JAK3: variants seen among roughly 807,000 people sequenced by gnomAD.
The protein encoded by JAK3 is Janus kinase 3.
JAK3 carries 88 observed loss-of-function variants against 120.8 expected under a neutral mutation model. The ratio of observed to expected loss-of-function variants is 0.73; its 90% confidence interval spans 0.61 to 0.87. JAK3 has a LOEUF of 0.87. Ranked by LOEUF, JAK3 falls within the 40% of genes least tolerant of loss-of-function variation. The pLI is 0.00. For missense variants in JAK3, 1,254 were observed against 1,501.4 expected, an observed-to-expected ratio of 0.84 and a Z score of 2.72; for synonymous variants, 592 against 628.6, an observed-to-expected ratio of 0.94 and a Z score of 0.87.
At chr19:17,836,917 T>G (rs1403566639) in intron 13 of JAK3, 3 of 676,748 alleles carry the variant, frequency 4.4e-6, no homozygotes, top group Non-Finnish European at 8.1e-6. Flanking sequence ...TGACTTCAGG[T>G]CATTCTGGGG....
chr19:17,839,709 C>A, intron 9 of JAK3, 46 bp from the exon 10 acceptor site: 5 of 1,362,980 alleles, frequency 3.7e-6, no homozygotes, highest in Non-Finnish European at 5.2e-6. Flanking sequence ...GACAGACACT[C>A]TCCTTCTCAG....
Position 17,844,235 on chromosome 19 carries a change from G to C in JAK3, c.183C>G (p.Ser61Arg), listed in dbSNP as rs200269517. Residue 61 changes from serine to arginine, a missense_variant and splice_region_variant, in exon 2 of 24, where the codon AGC becomes AGG. Ser to Arg is a moderately radical substitution (Grantham distance 110). Transcript: ENST00000458235. ...CCGATCCACTAGGGATGCACTCACC[G>C]CTGGCCTTGGCAGCCTGCACGCACA... The part of the protein sequence containing the change: ...EDLCVQAAKA[S>R]GILPVYHSLF... 6.3e-7 allele frequency: 1 copy of C among 1,589,780 alleles called. No individual in the cohort carries two copies. The highest frequency in any genetic ancestry group is 1.8e-5 in the Admixed American group (1 of 56,346).
rs755956210 is a variant in JAK3, at chr19:17,834,618, G to A, written c.2303C>T (p.Pro768Leu). Residue 768 changes from proline to leucine, a missense_variant, in exon 17 of 24, where the codon CCC becomes CTC. Around this residue, in one of 3 missense-constraint regions of JAK3, gnomAD observed 630 missense variants for 819.8 expected, o/e 0.77. Transcript: ENST00000458235. ...QCMAYEPVQRPSFRAVIRDLN... is the reference protein window; with the variant it reads ...QCMAYEPVQRLSFRAVIRDLN... The stretch of plus-strand genomic sequence containing the variant: ...GTCACGAATGACGGCTCGGAAGGAG[G>A]GCCTCTGGACCGGCTCATAGGCCAT... 3 of 1,614,102 alleles carry A rather than the reference G, an allele frequency of 1.9e-6. No individual in the cohort carries two copies. Among genetic ancestry groups the A allele is most frequent in the Non-Finnish European group, 2.5e-6 (3 of 1,180,010 alleles).
In JAK3 at chr19:17,839,865, C is replaced by T. The variant is rs3212743; in HGVS notation, c.1255-202G>A. Reference sequence around the variant, plus strand: ...AAGCGATTCTCCTGCCTCAGCCTCCCGAGTAGCTGGGACTACAGATGCCCA... The same window carrying T: ...AAGCGATTCTCCTGCCTCAGCCTCCTGAGTAGCTGGGACTACAGATGCCCA... On this transcript the variant is annotated intron_variant, in intron 9 of 23. Transcript: ENST00000458235. Among the ~76,000 whole-genome samples, 9,943 of 151,702 alleles carry T rather than the reference C, an allele frequency of 0.066. 735 individuals carry two copies. Among genetic ancestry groups the T allele is most frequent in the East Asian group, 0.23 (1,164 of 5,152 alleles).
chr19:17,835,582 A>G (rs1049737251), intron 14 of JAK3, among the ~76,000 whole-genome samples: 1 of 151,992 alleles, frequency 6.6e-6, no homozygotes, highest in Non-Finnish European at 1.5e-5. Context: ...GCAACACACT[A>G]TCTAGCCTGC....
At position 17,842,448 on chromosome 19, in the gene JAK3, CTCCAGG is replaced by C; in HGVS notation, c.723_728del (p.Asp241_Leu242del). Reference sequence around the variant, plus strand: ...CGGCGGCCCCGGCTGGATCCAGCCGCTCCAGGTCCATGATGTACTTGGCCATGAGCG... The same window carrying C: ...CGGCGGCCCCGGCTGGATCCAGCCGCTCCATGATGTACTTGGCCATGAGCG... On this transcript the variant is annotated inframe_deletion, in exon 6 of 24. Coordinates refer to ENST00000458235, the MANE Select transcript of JAK3 (RefSeq NM_000215.4). This position sits in a 1 kb window ranked among gnomAD's most constrained non-coding sequence, Gnocchi z 6.4. The C allele has an allele frequency of 6.3e-7, 1 of 1,595,108 alleles. No homozygotes were observed. The highest frequency in any genetic ancestry group is 8.5e-7 in the Non-Finnish European group (1 of 1,172,446).
At position 17,840,476 on chromosome 19, in the gene JAK3, G is replaced by T. The variant is rs1303988807; in HGVS notation, c.1143-135C>A. ...CACCCTCCCCCCATTTATAAAATCA[G>T]CCATGGGCCAGGCGCCGTGGCTCAC... On this transcript the variant is annotated intron_variant, in intron 8 of 23. Coordinates refer to ENST00000458235, the MANE Select transcript of JAK3 (RefSeq NM_000215.4). 12 of 684,160 alleles carry T rather than the reference G, an allele frequency of 1.8e-5. No individual in the cohort carries two copies. The Admixed American group carries it at 1.8e-4, about 10-fold the overall frequency. The allele number at this position is 684,160 out of a possible 1,614,324, so 42.4% of individuals were successfully genotyped here.
intron 23 of JAK3, 105 bp from the exon 24 acceptor site, chr19:17,827,015 T>C: frequency 1.5e-6 from 2 of 1,304,536 alleles, no homozygotes; most frequent in African/African-American, 1.4e-5. Context: ...AGTCTAGCTC[T>C]GTTGTCCAGG....
chr19:17,839,494 C>T lies in JAK3; in HGVS notation c.1424G>A (p.Cys475Tyr), dbSNP rs1443727838. The T allele has an allele frequency of 1.3e-6, 2 of 1,589,216 alleles. No homozygotes were observed. The highest frequency in any genetic ancestry group is 1.8e-5 in the Admixed American group (1 of 56,168). Reference sequence around the variant, plus strand: ...GGGCTCACCTTTGGGTCTGGGGATACAGCAGGAAGTGAGGGTCACTGCCAC... The same window carrying T: ...GGGCTCACCTTTGGGTCTGGGGATATAGCAGGAAGTGAGGGTCACTGCCAC... ...DGVAVTLTSC[C>Y]IPRPKEKSNL... is the part of the protein sequence containing the mutation. Residue 475 changes from cysteine (C) to tyrosine (Y), a missense_variant, in exon 10 of 24, where the codon TGT becomes TAT. Cys to Tyr is a radical substitution (Grantham distance 194). Around this residue, in one of 3 missense-constraint regions of JAK3, gnomAD observed 486 missense variants for 503.0 expected, o/e 0.97. Coordinates refer to ENST00000458235, the MANE Select transcript of JAK3 (RefSeq NM_000215.4).
Position 17,830,233 on chromosome 19 carries a change from G to T in JAK3, c.3097-15C>A. On this transcript the variant is annotated splice_polypyrimidine_tract_variant and intron_variant, in intron 22 of 23. Coordinates refer to ENST00000458235, the MANE Select transcript of JAK3 (RefSeq NM_000215.4). ...CGCAGGAACTCCTGGAGCCAAGGAG[G>T]AGCGCATGTGGTGGGGGAGGAGCCT... 1 of 1,547,250 alleles carries T rather than the reference G, an allele frequency of 6.5e-7. No homozygotes were observed. The highest frequency in any genetic ancestry group is 1.2e-5 in the South Asian group (1 of 84,174).
In JAK3 at chr19:17,830,512, G is replaced by T; in HGVS notation, c.3087C>A (p.Ser1029Arg). 1.9e-6 allele frequency: 3 copies of T among 1,613,158 alleles called. No individual in the cohort carries two copies. Among genetic ancestry groups the T allele is most frequent in the Non-Finnish European group, 2.5e-6 (3 of 1,179,396 alleles). The change falls in exon 22 of 24, where the codon AGC becomes AGA. Residue 1029 changes from serine to arginine, a missense_variant. Physicochemically the swap from Ser to Arg is moderately radical, Grantham distance 110. Coordinates refer to ENST00000458235, the MANE Select transcript of JAK3 (RefSeq NM_000215.4). The stretch of plus-strand genomic sequence containing the variant: ...TGGGAAGCCGACTCACGGCCGAGGG[G>T]CTGCAGCTTTTGTCGCAGTAGGTGA... Reference protein sequence around the residue: ...ELFTYCDKSCSPSAEFLRMMG... With the variant: ...ELFTYCDKSCRPSAEFLRMMG...
In JAK3 at chr19:17,838,002, A is replaced by G. The variant is rs1367182709; in HGVS notation, c.1631T>C (p.Val544Ala). 11 of 1,613,672 alleles carry G rather than the reference A, an allele frequency of 6.8e-6. No individual in the cohort carries two copies. Among genetic ancestry groups the G allele is most frequent in the Admixed American group, 5.0e-5 (3 of 59,936 alleles). Reference protein sequence around the residue: ...KIYRGCRHEVVDGEARKTEVL... With the variant: ...KIYRGCRHEVADGEARKTEVL... ...CTCTGTCTTTCGGGCCTCCCCATCC[A>G]CCACCTCATGGCGACAGCCCCGGTA... The change falls in exon 12 of 24, where the codon GTG (valine) becomes GCG (alanine). Residue 544 changes from valine (V) to alanine (A), a missense_variant. Physicochemically the swap from Val to Ala is moderately conservative, Grantham distance 64. Coordinates refer to ENST00000458235, the MANE Select transcript of JAK3 (RefSeq NM_000215.4).
Position 17,832,297 on chromosome 19 carries a change from T to A in JAK3, c.2680+222A>T, listed in dbSNP as rs532251162. On this transcript the variant is annotated intron_variant, in intron 19 of 23. Coordinates refer to ENST00000458235, the MANE Select transcript of JAK3 (RefSeq NM_000215.4). This position sits in a 1 kb window ranked among gnomAD's most constrained non-coding sequence, Gnocchi z 4.7. Reference sequence around the variant, plus strand: ...CAAACAACAACAACAACAAAGTAAATATCACAATGGCCCATTTTTCAGCTG... The same window carrying A: ...CAAACAACAACAACAACAAAGTAAAAATCACAATGGCCCATTTTTCAGCTG... 2.6e-4 allele frequency among the ~76,000 whole-genome samples: 40 copies of A among 152,066 alleles called. No homozygotes were observed. The highest frequency in any genetic ancestry group is 9.2e-4 in the African/African-American group (38 of 41,488).
Position 17,832,574 on chromosome 19 carries a change from G to C in JAK3, c.2625C>G (p.Leu875=). 2 of 1,614,232 alleles carry C rather than the reference G, an allele frequency of 1.2e-6. No homozygotes were observed. Among genetic ancestry groups the C allele is most frequent in the Non-Finnish European group, 1.7e-6 (2 of 1,180,038 alleles). The part of the protein sequence containing the change: ...QRDFQREIQI[L]KALHSDFIVK... The stretch of plus-strand genomic sequence containing the variant: ...CAATGAAATCACTGTGCAGTGCTTT[G>C]AGGATCTGAATCTCCCGCTGAAAGT... Residue 875 remains leucine, a synonymous_variant, in exon 19 of 24, where the codon CTC becomes CTG. Transcript: ENST00000458235. The surrounding 1 kb of genome is among the most constrained non-coding windows in gnomAD (Gnocchi z 4.7).
chr19:17,841,103 C>T lies in JAK3; in HGVS notation c.1142+286G>A, dbSNP rs2094237459. Among the ~76,000 whole-genome samples, 1 of 152,166 alleles carries T rather than the reference C, an allele frequency of 6.6e-6. No individual in the cohort carries two copies. The highest frequency in any genetic ancestry group is 1.5e-5 in the Non-Finnish European group (1 of 68,026). ...AAGCGCTGCGATTGCAGGTGTGCCC[C>T]ACTATGCCTGGCCCTTCCTGGGAGA... On this transcript the variant is annotated intron_variant, in intron 8 of 23. Coordinates refer to ENST00000458235, the MANE Select transcript of JAK3 (RefSeq NM_000215.4). This position sits in a 1 kb window ranked among gnomAD's most constrained non-coding sequence, Gnocchi z 4.1.
intron 23 of JAK3, among the ~76,000 whole-genome samples, chr19:17,828,066 C>T (rs573744534): frequency 2.0e-4 from 30 of 152,144 alleles, no homozygotes; most frequent in Non-Finnish European, 3.2e-4. Flanking sequence ...TTTTCCCTTC[C>T]GTGTCCTCCA....
At chr19:17,827,001 A>G in intron 23 of JAK3, 91 bp from the exon 24 acceptor site, 1 of 1,417,106 alleles carries the variant, frequency 7.1e-7, no homozygotes. Context: ...TTTTTTTGAG[A>G]CGGAGTCTAG....
At chr19:17,836,805 C>T (rs1007099123) in intron 13 of JAK3, 3 of 477,444 alleles carry the variant, frequency 6.3e-6, no homozygotes, top group African/African-American at 5.8e-5. Flanking sequence ...TAGGCTCTGT[C>T]CCAGCTCCTG....
chr19:17,833,470 G>A (rs2147679892), intron 17 of JAK3, among the ~76,000 whole-genome samples: 1 of 148,116 alleles, frequency 6.8e-6, no homozygotes, highest in South Asian at 2.2e-4. Flanking sequence ...CTATTTGGGA[G>A]ACTAAGGCAG....
Sources: allele counts gnomAD v4.1 joint callset (sites outside exome capture counted in the v4.1 genomes callset), GRCh38; gene constraint gnomAD v4.1.1; regional missense constraint gnomAD v4.1.1; non-coding constraint Gnocchi (gnomAD v3.1); transcripts MANE v1.5; gene names NCBI Gene and HGNC (gene_info 2026-07-23, HGNC 2026-07-21).